CTNNA3: variants seen among roughly 807,000 people sequenced by gnomAD.
CTNNA3 encodes catenin alpha-3.
A neutral mutation model predicts 95.7 loss-of-function variants in CTNNA3; 76 were observed. The ratio of observed to expected loss-of-function variants is 0.79; its 90% CI spans 0.66 to 0.96. The LOEUF is 0.96. Ranked by LOEUF, CTNNA3 falls within the 40% of genes least tolerant of loss-of-function variation. CTNNA3 has a pLI of 0.00. For synonymous variants in CTNNA3, 431 were observed against 374.4 expected, an observed-to-expected ratio of 1.15 and a Z score of -1.74; for missense variants, 1,191 against 1,089.8, an observed-to-expected ratio of 1.09 and a Z score of -1.31.
At chr10:66,160,340 C>T (rs528494548) in intron 13 of CTNNA3, among the ~76,000 whole-genome samples, 4 of 151,786 alleles carry the variant, frequency 2.6e-5, no homozygotes, top group African/African-American at 7.2e-5. Flanking sequence ...CTTTTAGCAC[C>T]GCCTCTGCTA....
At chr10:67,481,220 G>A (rs1035948614) in intron 5 of CTNNA3, among the ~76,000 whole-genome samples, 2 of 152,134 alleles carry the variant, frequency 1.3e-5, no homozygotes, top group African/African-American at 4.8e-5. Flanking sequence ...GCTGAAACAA[G>A]ACAAAGATGC....
chr10:66,340,964 G>A (rs1050760482), intron 12 of CTNNA3, among the ~76,000 whole-genome samples: 6 of 151,840 alleles, frequency 4.0e-5, no homozygotes, highest in Non-Finnish European at 7.4e-5. Flanking sequence ...TTAGCATTAT[G>A]CTAAATGGAA....
intron 7 of CTNNA3, among the ~76,000 whole-genome samples, chr10:67,062,555 T>C (rs1418620630): frequency 6.6e-6 from 1 of 152,128 alleles, no homozygotes; most frequent in Non-Finnish European, 1.5e-5. Flanking sequence ...ATATGGGGCA[T>C]TAAGGCAGGC....
intron 11 of CTNNA3, among the ~76,000 whole-genome samples, chr10:66,448,379 T>C (rs1162578491): frequency 6.6e-6 from 1 of 152,108 alleles, no homozygotes; most frequent in East Asian, 1.9e-4. Flanking sequence ...CATGCACACA[T>C]ATGTTTATTG....
At chr10:66,804,186 A>C (rs1841548576) in intron 7 of CTNNA3, among the ~76,000 whole-genome samples, 2 of 152,068 alleles carry the variant, frequency 1.3e-5, no homozygotes, top group African/African-American at 4.8e-5. Context: ...ATATATTTCA[A>C]GCTCTTAAAC....
Position 67,381,361 on chromosome 10 carries a change from T to C in CTNNA3, c.579+140481A>G, listed in dbSNP as rs76185029. On this transcript the variant is annotated intron_variant, in intron 5 of 17. Coordinates refer to ENST00000433211, the MANE Select transcript of CTNNA3 (RefSeq NM_013266.4). ...CAATCTTCTTAACATCTTTCCAGTA[T>C]GTGTTACTGTCCCACATATTCTAAT... Among the ~76,000 whole-genome samples, 170 of 152,346 alleles carry C rather than the reference T, an allele frequency of 1.1e-3. 3 individuals are homozygous for C. The East Asian group carries it at 0.022, about 20-fold the overall frequency.
At chr10:66,312,340 T>C (rs565745696) in intron 12 of CTNNA3, among the ~76,000 whole-genome samples, 1 of 152,284 alleles carries the variant, frequency 6.6e-6, no homozygotes, top group Non-Finnish European at 1.5e-5. Flanking sequence ...CATGCCTAAC[T>C]TGCCTGCAAC....
intron 11 of CTNNA3, among the ~76,000 whole-genome samples, chr10:66,471,559 G>A (rs917113060): frequency 4.6e-5 from 7 of 150,566 alleles, no homozygotes; most frequent in South Asian, 2.1e-4. Context: ...CAATTTTCAC[G>A]CCAGTGAATT....
At chr10:65,978,736 A>G (rs1358236161) in intron 16 of CTNNA3, among the ~76,000 whole-genome samples, 2 of 152,190 alleles carry the variant, frequency 1.3e-5, no homozygotes, top group South Asian at 2.1e-4. Context: ...TGTATTAACT[A>G]TCTCAATGAA....
intron 10 of CTNNA3, among the ~76,000 whole-genome samples, chr10:66,568,747 G>C (rs1391442131): frequency 6.6e-6 from 1 of 151,610 alleles, no homozygotes; most frequent in Non-Finnish European, 1.5e-5. Flanking sequence ...GCATTCTTCT[G>C]CTTGTACCAA....
At chr10:67,288,026 T>C (rs550053249) in intron 5 of CTNNA3, among the ~76,000 whole-genome samples, 1 of 152,308 alleles carries the variant, frequency 6.6e-6, no homozygotes, top group East Asian at 1.9e-4. Flanking sequence ...TATGCACAGT[T>C]TCAACACCAT....
rs1020238660 is a variant in CTNNA3 at position 65,948,053 on chromosome 10, G to A, written c.2400+18559C>T. 2.0e-5 allele frequency among the ~76,000 whole-genome samples: 3 copies of A among 152,212 alleles called. No homozygotes were observed. In the South Asian group the frequency reaches 6.2e-4, roughly 32 times the overall value. On this transcript the variant is annotated intron_variant, in intron 17 of 17. Coordinates refer to ENST00000433211, the MANE Select transcript of CTNNA3 (RefSeq NM_013266.4). ...AGCACTTTGGGAGGCCAAGGTGGGC[G>A]GATCACGAGGTCAGGAGATCGAGAT...
intron 13 of CTNNA3, among the ~76,000 whole-genome samples, chr10:66,274,537 G>A (rs558741710): frequency 2.6e-5 from 4 of 152,148 alleles, no homozygotes; most frequent in Admixed American, 1.3e-4. Context: ...TATAATATTT[G>A]AGATATCAGC....
chr10:65,959,182 C>A (rs1438060444), intron 17 of CTNNA3, among the ~76,000 whole-genome samples: 1 of 152,128 alleles, frequency 6.6e-6, no homozygotes, highest in African/African-American at 2.4e-5. Context: ...GGGAGTGGGA[C>A]CCTCCGAGCC....
intron 7 of CTNNA3, among the ~76,000 whole-genome samples, chr10:66,806,706 CA>C (rs1841657448): frequency 6.9e-6 from 1 of 145,268 alleles, no homozygotes. Context: ...ATATATTCAT[CA>C]ATATAGAGGG....
At chr10:66,601,178 T>A (rs1843909234) in intron 10 of CTNNA3, among the ~76,000 whole-genome samples, 1 of 151,872 alleles carries the variant, frequency 6.6e-6, no homozygotes, top group African/African-American at 2.4e-5. Context: ...TAAACTTTCT[T>A]ACCAAACGCA....
intron 13 of CTNNA3, among the ~76,000 whole-genome samples, chr10:66,163,687 A>G (rs2084971124): frequency 6.6e-6 from 1 of 152,198 alleles, no homozygotes; most frequent in South Asian, 2.1e-4. Flanking sequence ...ATTATTATAT[A>G]TAAGCTATAT....
chr10:66,893,963 A>G (rs1034979574), intron 7 of CTNNA3, among the ~76,000 whole-genome samples: 2 of 152,112 alleles, frequency 1.3e-5, no homozygotes, highest in African/African-American at 4.8e-5. Context: ...TGTTTAATAT[A>G]TGTATTTTTA....
At chr10:67,438,689 A>G (rs924362126) in intron 5 of CTNNA3, among the ~76,000 whole-genome samples, 13 of 152,106 alleles carry the variant, frequency 8.5e-5, no homozygotes, top group Non-Finnish European at 1.5e-4. Context: ...CCCCTCCCCA[A>G]TCTCCAGGCA....
Sources: gnomAD v4.1 joint callset for allele counts (sites outside exome capture counted in the v4.1 genomes callset) on GRCh38, gnomAD v4.1.1 for gene constraint, MANE v1.5 for transcripts, NCBI Gene and HGNC (gene_info 2026-07-23, HGNC 2026-07-21) for gene names.